The following LRP6 variants were observed in gnomAD, a reference collection of about 807,000 sequenced individuals.
LRP6 encodes the protein low-density lipoprotein receptor-related protein 6.
LRP6 carries 43 observed loss-of-function variants against 184.1 expected under a neutral mutation model. That is an observed-to-expected ratio of 0.23 (90% CI 0.18 to 0.30). The LOEUF is 0.30. Ranked by LOEUF, LRP6 falls within the 10% of genes least tolerant of loss-of-function variation. The probability of loss-of-function intolerance (pLI) is 1.00; values close to 1 mark genes in which losing one functional copy is unlikely to be tolerated. For missense variants in LRP6, 1,571 were observed against 2,005.3 expected (o/e 0.78, Z 4.14); for synonymous variants, 719 against 684.9 (o/e 1.05, Z -0.78).
chr12:12,225,889 G>T (rs1864610941), intron 2 of LRP6, among the ~76,000 whole-genome samples: 1 of 150,952 alleles, frequency 6.6e-6, no homozygotes. Flanking sequence ...AAAAAAAAGA[G>T]AGAGACCTGA....
chr12:12,218,823 C>T (rs182943743), intron 2 of LRP6, among the ~76,000 whole-genome samples: 8 of 152,022 alleles, frequency 5.3e-5, no homozygotes, highest in African/African-American at 1.9e-4. Flanking sequence ...AGCAATACCC[C>T]CATCTCTTTA....
At chr12:12,223,859 GA>G (rs1484026626) in intron 2 of LRP6, among the ~76,000 whole-genome samples, 2 of 152,138 alleles carry the variant, frequency 1.3e-5, no homozygotes, top group Non-Finnish European at 2.9e-5. Flanking sequence ...CCAACAGTGA[GA>G]AATCTGGCTA....
At chr12:12,145,939 C>T (rs1950001053) in intron 15 of LRP6, among the ~76,000 whole-genome samples, 1 of 151,946 alleles carries the variant, frequency 6.6e-6, no homozygotes, top group African/African-American at 2.4e-5. Flanking sequence ...GCCTGAGTTC[C>T]CACATTTCTT....
At position 12,186,924 on chromosome 12, in the gene LRP6, A is replaced by G. The variant is rs139760621; in HGVS notation, c.843T>C (p.Asn281=). The G allele has an allele frequency of 1.6e-5, 26 of 1,613,904 alleles. No individual in the cohort carries two copies. The African/African-American group carries it at 3.2e-4, about 20-fold the overall frequency. Reference sequence around the variant, plus strand: ...ATTTAAAAATCAAGGATCACTTACCATTTGGCTGCCTCTGTTGGCTGAAGG... The same window carrying G: ...ATTTAAAAATCAAGGATCACTTACCGTTTGGCTGCCTCTGTTGGCTGAAGG... ...IHAFSQQRQP[N]ATNPCGIDNG... Residue 281 remains asparagine (N), a splice_region_variant and synonymous_variant, in exon 4 of 23, where the codon AAT becomes AAC. Coordinates refer to ENST00000261349, the MANE Select transcript of LRP6 (RefSeq NM_002336.3).
At chr12:12,133,754 C>A (rs984379634) in intron 17 of LRP6, among the ~76,000 whole-genome samples, 1 of 145,082 alleles carries the variant, frequency 6.9e-6, no homozygotes, top group Admixed American at 7.4e-5. Flanking sequence ...TCAGTTTTAT[C>A]CATGTTATCA....
chr12:12,263,914 G>C (rs192447678), intron 1 of LRP6, among the ~76,000 whole-genome samples: 1 of 152,134 alleles, frequency 6.6e-6, no homozygotes, highest in East Asian at 1.9e-4. Context: ...ACTTTGAGAG[G>C]ATCACTTGAG....
intron 2 of LRP6, among the ~76,000 whole-genome samples, chr12:12,240,786 G>A (rs902039307): frequency 6.6e-6 from 1 of 151,964 alleles, no homozygotes; most frequent in Non-Finnish European, 1.5e-5. Flanking sequence ...AGATTAGTAC[G>A]GTTGCTTAGC....
intron 19 of LRP6, among the ~76,000 whole-genome samples, chr12:12,130,189 CTT>C (rs71435892): frequency 2.0e-4 from 28 of 139,108 alleles, no homozygotes; most frequent in Middle Eastern, 3.8e-3. Flanking sequence ...GAATTCTTTT[CTT>C]TTTTTTTTTT....
rs1328561590 is a variant in LRP6, at chr12:12,165,251, G to C, written c.1590C>G (p.Asp530Glu). The C allele has an allele frequency of 1.9e-6, 3 of 1,613,914 alleles. No individual in the cohort carries two copies. The African/African-American group carries it at 4.0e-5, about 22-fold the overall frequency. ...TAAATCCAAATATGTGAGGAATTTT[G>C]TCTTCCACTAGTACTCGTCTCCCAG... is the stretch of plus-strand genomic sequence containing the variant. ...DGTGRRVLVE[D>E]KIPHIFGFTL... The change falls in exon 8 of 23, where the codon GAC (aspartate) becomes GAG (glutamate). Residue 530 changes from aspartate (D) to glutamate (E), a missense_variant. Physicochemically the swap from Asp to Glu is conservative, Grantham distance 45 (BLOSUM62 2). Transcript: ENST00000261349.
chr12:12,266,849 TC>T lies in LRP6; in HGVS notation c.-115del. 1 of 855,602 alleles carries T rather than the reference TC, an allele frequency of 1.2e-6. No individual in the cohort carries two copies. Among genetic ancestry groups the T allele is most frequent in the Non-Finnish European group, 1.9e-6 (1 of 515,412 alleles). 53.0% of individuals were successfully genotyped at this position (855,602 alleles called of 1,614,324 possible). ...GGCTGCACGCTCATACTTCCCAGCT[TC>T]CCAGCGAGAGAAGAAAGAAAGGGGC... On this transcript the variant is annotated 5_prime_UTR_variant, in exon 1 of 23. Coordinates refer to ENST00000261349, the MANE Select transcript of LRP6 (RefSeq NM_002336.3).
intron 2 of LRP6, among the ~76,000 whole-genome samples, chr12:12,240,355 T>C (rs948592689): frequency 6.6e-5 from 10 of 152,056 alleles, no homozygotes; most frequent in Non-Finnish European, 1.5e-4. Context: ...GGGCAGATCA[T>C]GAGGTCAGGA....
In LRP6 at chr12:12,151,139, A is replaced by G. The variant is rs1950075696; in HGVS notation, c.2792-101T>C. 6.4e-6 allele frequency: 7 copies of G among 1,092,282 alleles called. No individual in the cohort carries two copies. In the East Asian group the frequency reaches 1.8e-4, roughly 28 times the overall value. The allele number at this position is 1,092,282 out of a possible 1,614,324, so 67.7% of individuals were successfully genotyped here. On this transcript the variant is annotated intron_variant, in intron 12 of 22. Coordinates refer to ENST00000261349, the MANE Select transcript of LRP6 (RefSeq NM_002336.3). ...GTTGTATGTATTTCATACAAAACAG[A>G]CATAGATGTTGAAGAGCTAAGGCTG... is the stretch of plus-strand genomic sequence containing the variant.
At chr12:12,258,518 A>G (rs1185578223) in intron 1 of LRP6, among the ~76,000 whole-genome samples, 1 of 152,250 alleles carries the variant, frequency 6.6e-6, no homozygotes, top group African/African-American at 2.4e-5. Context: ...ATCTTTTTAT[A>G]TTACTTTAAA....
At chr12:12,257,767 A>T (rs1865504090) in intron 1 of LRP6, among the ~76,000 whole-genome samples, 1 of 101,462 alleles carries the variant, frequency 9.9e-6, no homozygotes, top group South Asian at 4.0e-4. Context: ...ACATAGTAAG[A>T]CCCTGTCTCT....
At position 12,241,956 on chromosome 12, in the gene LRP6, A is replaced by G. The variant is rs534682209; in HGVS notation, c.449+2306T>C. On this transcript the variant is annotated intron_variant, in intron 2 of 22. Coordinates refer to ENST00000261349, the MANE Select transcript of LRP6 (RefSeq NM_002336.3). Reference sequence around the variant, plus strand: ...TAATCAAATGGCGAAATTACTTCAGAAGATACTTATCAGACCTGCTACCCA... The same window carrying G: ...TAATCAAATGGCGAAATTACTTCAGGAGATACTTATCAGACCTGCTACCCA... Among the ~76,000 whole-genome samples the G allele has an allele frequency of 1.6e-4, 24 of 152,338 alleles. 1 individual carries two copies. Among genetic ancestry groups the G allele is most frequent in the African/African-American group, 5.8e-4 (24 of 41,584 alleles).
intron 2 of LRP6, among the ~76,000 whole-genome samples, 168 bp from the exon 3 acceptor site, chr12:12,203,568 C>T (rs1863971989): frequency 6.6e-6 from 1 of 152,096 alleles, no homozygotes; most frequent in Admixed American, 6.6e-5. Context: ...AGATCGAGAC[C>T]ATCCTGGCCA....
intron 1 of LRP6, among the ~76,000 whole-genome samples, chr12:12,251,215 A>C (rs1865317594): frequency 6.6e-6 from 1 of 152,176 alleles, no homozygotes; most frequent in Admixed American, 6.5e-5. Flanking sequence ...TACAGGCGTG[A>C]GCCACCGTGC....
At chr12:12,126,981 T>C (rs1261668568) in intron 19 of LRP6, 60 bp from the exon 20 acceptor site, 3 of 1,351,980 alleles carry the variant, frequency 2.2e-6, no homozygotes, top group South Asian at 1.2e-5. Flanking sequence ...TTCAAAATAG[T>C]AATCAAAAGA....
At chr12:12,203,857 C>G (rs1331873547) in intron 2 of LRP6, among the ~76,000 whole-genome samples, 2 of 152,200 alleles carry the variant, frequency 1.3e-5, no homozygotes, top group African/African-American at 4.8e-5. Flanking sequence ...ATTCTAATAT[C>G]TACCATTTGC....
Sources: allele counts gnomAD v4.1 joint callset (sites outside exome capture counted in the v4.1 genomes callset), GRCh38; gene constraint gnomAD v4.1.1; transcripts MANE v1.5; gene names NCBI Gene and HGNC (gene_info 2026-07-23, HGNC 2026-07-21).